The following FMN2 variants were observed in gnomAD, a reference collection of about 807,000 sequenced individuals.
FMN2 encodes the protein formin 2.
FMN2 carries 51 observed loss-of-function variants against 142.3 expected under a neutral mutation model. The observed-to-expected ratio is 0.36, with a 90% CI of 0.29 to 0.45. The LOEUF (loss-of-function observed/expected upper bound fraction) is 0.45, where lower values mean the gene tolerates loss of function less well. Ranked by LOEUF, FMN2 falls within the 20% of genes least tolerant of loss-of-function variation. FMN2 has a pLI of 1.00. For synonymous variants in FMN2, 882 were observed against 869.8 expected, an observed-to-expected ratio of 1.01 and a Z score of -0.25; for missense variants, 1,936 against 2,122.8, an observed-to-expected ratio of 0.91 and a Z score of 1.73.
chr1:240,330,694 A>C lies in FMN2; in HGVS notation c.4529A>C (p.Gln1510Pro). The change falls in exon 11 of 18, where the codon CAG becomes CCG. Residue 1510 changes from glutamine (Q) to proline (P), a missense_variant. Coordinates refer to ENST00000319653, the MANE Select transcript of FMN2 (RefSeq NM_020066.5). ...YMNGGNKTRG[Q>P]ADGFGLDILP... ...AATGGAGGAAATAAGACTCGAGGAC[A>C]GGCAGATGGCTTTGGATTAGACATT... The C allele has an allele frequency of 6.2e-7, 1 of 1,614,076 alleles. No individual in the cohort carries two copies. Among genetic ancestry groups the C allele is most frequent in the Non-Finnish European group, 8.5e-7 (1 of 1,179,948 alleles).
At chr1:240,205,536 A>C (rs1666309200) in intron 4 of FMN2, among the ~76,000 whole-genome samples, 1 of 134,292 alleles carries the variant, frequency 7.4e-6, no homozygotes, top group South Asian at 2.2e-4. Context: ...ATCTCAGCTC[A>C]CTGCAAGCTC....
intron 2 of FMN2, among the ~76,000 whole-genome samples, chr1:240,165,565 G>A (rs1261619641): frequency 6.6e-6 from 1 of 151,270 alleles, no homozygotes; most frequent in Non-Finnish European, 1.5e-5. Context: ...ATCCCTGTGT[G>A]TCTTTTTCTG....
chr1:240,333,342 A>G (rs1048156294), intron 11 of FMN2, among the ~76,000 whole-genome samples: 4 of 152,148 alleles, frequency 2.6e-5, no homozygotes, highest in Admixed American at 2.0e-4. Context: ...ATAACAAATT[A>G]TAATATTGGA....
chr1:240,181,538 T>C (rs1038501561), intron 3 of FMN2, among the ~76,000 whole-genome samples: 27 of 152,324 alleles, frequency 1.8e-4, no homozygotes, highest in African/African-American at 6.3e-4. Context: ...GGTGAGGTCT[T>C]GGTGCCTCTT....
intron 6 of FMN2, among the ~76,000 whole-genome samples, chr1:240,236,162 G>A (rs763194073): frequency 1.1e-4 from 17 of 152,038 alleles, no homozygotes; most frequent in African/African-American, 2.2e-4. Context: ...TCATTATGGC[G>A]TTTTTTGCAT....
intron 1 of FMN2, among the ~76,000 whole-genome samples, chr1:240,097,350 T>C (rs943259691): frequency 2.0e-5 from 3 of 151,650 alleles, no homozygotes; most frequent in East Asian, 1.9e-4. Context: ...TTTATTGTTA[T>C]AGCTGCCTTT....
At chr1:240,211,903 G>T (rs1234009131) in intron 6 of FMN2, among the ~76,000 whole-genome samples, 1 of 152,106 alleles carries the variant, frequency 6.6e-6, no homozygotes, top group African/African-American at 2.4e-5. Context: ...TTTCTCAGGG[G>T]TGTCATTTGG....
chr1:240,229,337 C>A (rs988249302), intron 6 of FMN2, among the ~76,000 whole-genome samples: 4 of 152,086 alleles, frequency 2.6e-5, no homozygotes, highest in Admixed American at 2.6e-4. Context: ...CATTCTTCCC[C>A]CTCTTCCTCA....
chr1:240,180,842 C>T (rs570967702), intron 3 of FMN2, among the ~76,000 whole-genome samples: 88 of 152,158 alleles, frequency 5.8e-4, no homozygotes, highest in South Asian at 1.7e-3. Context: ...GCTGGGATTA[C>T]AGGCATGAGC....
intron 16 of FMN2, among the ~76,000 whole-genome samples, chr1:240,468,348 A>C (rs942560805): frequency 2.0e-5 from 3 of 152,174 alleles, no homozygotes; most frequent in Non-Finnish European, 4.4e-5. Context: ...ACGTATATAT[A>C]TCTCTTCATG....
At chr1:240,441,268 C>T (rs1200155298) in intron 16 of FMN2, among the ~76,000 whole-genome samples, 1 of 152,148 alleles carries the variant, frequency 6.6e-6, no homozygotes, top group Non-Finnish European at 1.5e-5. Context: ...GCTGGGATTA[C>T]AGGCGTGAGC....
chr1:240,092,251 C>A lies in FMN2; in HGVS notation c.142C>A (p.His48Asn). 7.2e-7 allele frequency: 1 copy of A among 1,389,530 alleles called. No homozygotes were observed. Among genetic ancestry groups the A allele is most frequent in the South Asian group, 1.2e-5 (1 of 82,140 alleles). 86.1% of individuals were successfully genotyped at this position (1,389,530 alleles called of 1,614,324 possible). A position where few individuals can be genotyped will look rare whatever the true frequency, so the allele number is the denominator to read the frequency against. ...CGGGGGCAAGAAGGCGCTAGGCAAGCACGGCAAGGGGGGAGGGGGCGGCGG... is the reference window on the plus strand; with the variant it reads ...CGGGGGCAAGAAGGCGCTAGGCAAGAACGGCAAGGGGGGAGGGGGCGGCGG... Reference protein sequence around the residue: ...GSGGKKALGKHGKGGGGGGGG... With the variant: ...GSGGKKALGKNGKGGGGGGGG... Residue 48 changes from histidine (H) to asparagine (N), a missense_variant, in exon 1 of 18, where the codon CAC (histidine) becomes AAC (asparagine). His to Asn is a moderately conservative substitution (Grantham distance 68). This residue lies in a region of FMN2 where 751 missense variants were observed against 791.8 expected (regional missense o/e 0.95). Transcript: ENST00000319653.
rs374557029 is a variant in FMN2, at chr1:240,232,993, G to A, written c.4065+21758G>A. Among the ~76,000 whole-genome samples, 24 of 152,282 alleles carry A rather than the reference G, an allele frequency of 1.6e-4. No homozygotes were observed. The East Asian group carries it at 3.1e-3, about 20-fold the overall frequency. On this transcript the variant is annotated intron_variant, in intron 6 of 17. Coordinates refer to ENST00000319653, the MANE Select transcript of FMN2 (RefSeq NM_020066.5). ...TCGTAGTTTTAAAATGTAAGCTGTT[G>A]TAAATTTCTAGTGGTTTATTGTTGC...
chr1:240,345,624 C>T (rs1035708088), intron 13 of FMN2, among the ~76,000 whole-genome samples: 2 of 152,026 alleles, frequency 1.3e-5, no homozygotes, highest in Non-Finnish European at 2.9e-5. Context: ...GTGCTGATTA[C>T]AGCATGCACC....
At chr1:240,440,581 G>A (rs1675576427) in intron 16 of FMN2, among the ~76,000 whole-genome samples, 2 of 152,136 alleles carry the variant, frequency 1.3e-5, no homozygotes, top group Admixed American at 6.5e-5. Flanking sequence ...TTACATTCAT[G>A]TTAGCAGTGT....
At chr1:240,444,331 A>C (rs1398286845) in intron 16 of FMN2, among the ~76,000 whole-genome samples, 1 of 152,220 alleles carries the variant, frequency 6.6e-6, no homozygotes. Flanking sequence ...TTTGACCTAG[A>C]ACGTGGAGCA....
At chr1:240,196,902 T>C (rs573993092) in intron 4 of FMN2, among the ~76,000 whole-genome samples, 1 of 152,270 alleles carries the variant, frequency 6.6e-6, no homozygotes, top group Admixed American at 6.5e-5. Flanking sequence ...CAAAGGAGTA[T>C]TTTGTTGGAG....
chr1:240,339,492 G>C lies in FMN2; in HGVS notation c.4765+5263G>C, dbSNP rs186874947. Among the ~76,000 whole-genome samples, 7 of 151,806 alleles carry C rather than the reference G, an allele frequency of 4.6e-5. No homozygotes were observed. In the East Asian group the frequency reaches 1.4e-3, roughly 29 times the overall value. On this transcript the variant is annotated intron_variant, in intron 13 of 17. Transcript: ENST00000319653. ...CTAGGAAGGTATTCTCCATGGATAA[G>C]GGAACACTACTGTTTTATGATTTTT... is the stretch of plus-strand genomic sequence containing the variant.
chr1:240,421,115 A>T lies in FMN2; in HGVS notation c.4911-16946A>T, dbSNP rs140789954. Reference sequence around the variant, plus strand: ...GTGTCTGTAGGATTGCACTTGTATCAGTATTCTTGCAGCTCACTCACTACC... The same window carrying T: ...GTGTCTGTAGGATTGCACTTGTATCTGTATTCTTGCAGCTCACTCACTACC... On this transcript the variant is annotated intron_variant, in intron 15 of 17. Coordinates refer to ENST00000319653, the MANE Select transcript of FMN2 (RefSeq NM_020066.5). Among the ~76,000 whole-genome samples, 219 of 152,304 alleles carry T rather than the reference A, an allele frequency of 1.4e-3. 3 individuals carry two copies. Among genetic ancestry groups the T allele is most frequent in the East Asian group, 8.1e-3 (42 of 5,162 alleles).
Sources: allele counts gnomAD v4.1 joint callset (sites outside exome capture counted in the v4.1 genomes callset), GRCh38; gene constraint gnomAD v4.1.1; regional missense constraint gnomAD v4.1.1; transcripts MANE v1.5; gene names NCBI Gene and HGNC (gene_info 2026-07-23, HGNC 2026-07-21).